USP31: variants seen among roughly 807,000 people sequenced by gnomAD.
USP31 encodes ubiquitin carboxyl-terminal hydrolase 31.
A neutral mutation model predicts 119.4 loss-of-function variants in USP31; 44 were observed. That is an observed-to-expected ratio of 0.37 (90% CI 0.29 to 0.47). The LOEUF is 0.47. Among genes scored for constraint, USP31 ranks in the 20% least tolerant of loss-of-function variants. USP31 has a pLI of 0.99. For synonymous variants in USP31, 749 were observed against 705.6 expected (o/e 1.06, Z -0.97); for missense variants, 1,643 against 1,730.2 (o/e 0.95, Z 0.89).
Position 23,067,016 on chromosome 16 carries a change from A to C in USP31, c.*1030T>G, listed in dbSNP as rs1900100820. 2 of 152,256 alleles carry C rather than the reference A, an allele frequency of 1.3e-5. No individual in the cohort carries two copies. 9.4% of individuals were successfully genotyped at this position (152,256 alleles called of 1,614,324 possible). A position where few individuals can be genotyped will look rare whatever the true frequency, so the allele number is the denominator to read the frequency against. ...CAGAAGGCAACTTCTTTCCTCTCCA[A>C]GCTACAAGATGAGGGAACATGAGCC... On this transcript the variant is annotated 3_prime_UTR_variant, in exon 16 of 16. Transcript: ENST00000219689.
chr16:23,112,301 G>A (rs553379768), intron 1 of USP31, among the ~76,000 whole-genome samples: 16 of 152,218 alleles, frequency 1.1e-4, no homozygotes, highest in African/African-American at 3.6e-4. Flanking sequence ...TAAACGGCCC[G>A]GACATGGTGG....
At chr16:23,125,871 C>T (rs900680827) in intron 1 of USP31, among the ~76,000 whole-genome samples, 4 of 152,180 alleles carry the variant, frequency 2.6e-5, no homozygotes, top group African/African-American at 7.2e-5. Context: ...ATAAAGAAAG[C>T]GTTGAATTTC....
At chr16:23,106,549 A>G in intron 2 of USP31, 62 bp from the exon 3 acceptor site, 1 of 1,471,516 alleles carries the variant, frequency 6.8e-7, no homozygotes, top group Non-Finnish European at 9.2e-7. Flanking sequence ...TTGAAGATGA[A>G]GCTAGAGAAT....
intron 15 of USP31, among the ~76,000 whole-genome samples, chr16:23,070,892 C>T (rs951801437): frequency 6.6e-6 from 1 of 152,138 alleles, no homozygotes; most frequent in Non-Finnish European, 1.5e-5. Flanking sequence ...CACCACCCAG[C>T]ACCATTATAC....
At chr16:23,126,734 T>C (rs560733287) in intron 1 of USP31, among the ~76,000 whole-genome samples, 1 of 152,232 alleles carries the variant, frequency 6.6e-6, no homozygotes, top group African/African-American at 2.4e-5. Context: ...GCATCTACCT[T>C]ACAACATTAT....
At chr16:23,069,701 G>A in intron 15 of USP31, 85 bp from the exon 16 acceptor site, 1 of 1,486,646 alleles carries the variant, frequency 6.7e-7, no homozygotes, top group African/African-American at 1.4e-5. Flanking sequence ...TGAAACGAAG[G>A]TAAGCCTCAT....
At chr16:23,116,731 A>G (rs1279806393) in intron 1 of USP31, among the ~76,000 whole-genome samples, 1 of 152,078 alleles carries the variant, frequency 6.6e-6, no homozygotes, top group Non-Finnish European at 1.5e-5. Context: ...AATGCCCTCC[A>G]CCACACCCTT....
chr16:23,138,278 T>A (rs565804736), intron 1 of USP31, among the ~76,000 whole-genome samples: 1 of 152,340 alleles, frequency 6.6e-6, no homozygotes, highest in Non-Finnish European at 1.5e-5. Flanking sequence ...TTTCCCCTCA[T>A]GAATTACCAT....
intron 1 of USP31, among the ~76,000 whole-genome samples, chr16:23,128,735 A>G (rs9939829): frequency 0.27 from 41,608 of 152,072 alleles, 6,127 homozygotes; most frequent in Admixed American, 0.35. Flanking sequence ...ACAAGAGATA[A>G]AACCAAACAG....
chr16:23,137,356 G>A (rs1457380979), intron 1 of USP31, among the ~76,000 whole-genome samples: 1 of 152,132 alleles, frequency 6.6e-6, no homozygotes, highest in Non-Finnish European at 1.5e-5. Flanking sequence ...AATGTAAAAT[G>A]GTGCAGTTAG....
In USP31 at chr16:23,068,431, C is replaced by T. The variant is rs756936297; in HGVS notation, c.3674G>A (p.Gly1225Glu). 3 of 1,613,746 alleles carry T rather than the reference C, an allele frequency of 1.9e-6. No individual in the cohort carries two copies. Among genetic ancestry groups the T allele is most frequent in the South Asian group, 1.1e-5 (1 of 91,074 alleles). Residue 1225 changes from glycine to glutamate, a missense_variant, in exon 16 of 16, where the codon GGG becomes GAG. Coordinates refer to ENST00000219689, the MANE Select transcript of USP31 (RefSeq NM_020718.4). Reference protein sequence around the residue: ...LKRDSKSEDKGLSFFKSALRQ... With the variant: ...LKRDSKSEDKELSFFKSALRQ... ...CAAGGCTGATTTGAAGAAGGACAGC[C>T]CCTTGTCCTCAGACTTGCTGTCCCT...
Position 23,069,440 on chromosome 16 carries a change from T to C in USP31, c.2665A>G (p.Ile889Val), listed in dbSNP as rs1298403845. The change falls in exon 16 of 16, where the codon ATT becomes GTT. Residue 889 changes from isoleucine to valine, a missense_variant. By Grantham distance (29) the Ile-to-Val change is conservative (BLOSUM62 3). This residue lies in a region of USP31 where 699 missense variants were observed against 650.9 expected (regional missense o/e 1.07). Transcript: ENST00000219689. ...SPSRFSGDSP[I>V]HSSASTLEKI... ...TCCAAGGTGGAAGCAGAGCTGTGAATTGGCGAATCCCCTGAAAATCGGGAT... is the reference window on the plus strand; with the variant it reads ...TCCAAGGTGGAAGCAGAGCTGTGAACTGGCGAATCCCCTGAAAATCGGGAT... The C allele has an allele frequency of 4.3e-6, 7 of 1,614,072 alleles. No homozygotes were observed. The highest frequency in any genetic ancestry group is 3.3e-5 in the Admixed American group (2 of 60,006).
At chr16:23,122,773 A>C (rs1177969831) in intron 1 of USP31, among the ~76,000 whole-genome samples, 1 of 152,166 alleles carries the variant, frequency 6.6e-6, no homozygotes, top group Non-Finnish European at 1.5e-5. Flanking sequence ...CTTAGTGTTC[A>C]TGTAGGGCTG....
chr16:23,128,124 A>G (rs1049302419), intron 1 of USP31, among the ~76,000 whole-genome samples: 44 of 152,336 alleles, frequency 2.9e-4, no homozygotes, highest in African/African-American at 1.0e-3. Flanking sequence ...AATCAATGTG[A>G]ATTCATGATT....
intron 5 of USP31, 37 bp downstream of exon 5, chr16:23,105,404 G>A: frequency 1.3e-6 from 2 of 1,518,074 alleles, no homozygotes; most frequent in Non-Finnish European, 1.8e-6. Flanking sequence ...CAATACTTTT[G>A]TGGCTCATGT....
intron 6 of USP31, among the ~76,000 whole-genome samples, chr16:23,100,693 A>G (rs956962656): frequency 1.3e-5 from 2 of 152,178 alleles, no homozygotes; most frequent in African/African-American, 4.8e-5. Context: ...GTGAGCCAAG[A>G]TCATGCCACT....
chr16:23,146,437 T>C (rs974576614), intron 1 of USP31, among the ~76,000 whole-genome samples: 5 of 151,898 alleles, frequency 3.3e-5, no homozygotes, highest in African/African-American at 7.3e-5. Flanking sequence ...GACAGGAGAA[T>C]TGCTTGATTG....
Position 23,072,200 on chromosome 16 carries a change from G to A in USP31, c.2336-3C>T, listed in dbSNP as rs1420096292. ...ACACAGGGAAGAACTTGTGGAGCCTGCAGAGAAGAAAACAGGCATAGAGGT... is the reference window on the plus strand; with the variant it reads ...ACACAGGGAAGAACTTGTGGAGCCTACAGAGAAGAAAACAGGCATAGAGGT... On this transcript the variant is annotated splice_region_variant and splice_polypyrimidine_tract_variant and intron_variant, in intron 14 of 15. Coordinates refer to ENST00000219689, the MANE Select transcript of USP31 (RefSeq NM_020718.4). The A allele has an allele frequency of 3.7e-6, 6 of 1,604,640 alleles. No homozygotes were observed. Among genetic ancestry groups the A allele is most frequent in the Non-Finnish European group, 5.1e-6 (6 of 1,179,650 alleles).
intron 12 of USP31, 93 bp downstream of exon 12, chr16:23,082,345 G>A: frequency 6.6e-7 from 1 of 1,517,470 alleles, no homozygotes; most frequent in East Asian, 2.3e-5. Flanking sequence ...GGATCAAACA[G>A]GTATACCAAA....
Sources: allele counts gnomAD v4.1 joint callset (sites outside exome capture counted in the v4.1 genomes callset), GRCh38; gene constraint gnomAD v4.1.1; regional missense constraint gnomAD v4.1.1; transcripts MANE v1.5; gene names NCBI Gene and HGNC (gene_info 2026-07-23, HGNC 2026-07-21).